Variants in ABHD12 observed in about 807,000 individuals in gnomAD.
The protein encoded by ABHD12 is lysophosphatidylserine lipase ABHD12.
ABHD12 carries 43 observed loss-of-function variants against 58.3 expected under a neutral mutation model. The observed-to-expected ratio is 0.74, with a 90% CI of 0.58 to 0.95. ABHD12 has a LOEUF of 0.95. Among genes scored for constraint, ABHD12 ranks in the 40% least tolerant of loss-of-function variants. ABHD12 has a pLI of 0.00. For missense variants in ABHD12, 539 were observed against 537.2 expected (o/e 1.00, Z -0.03); for synonymous variants, 219 against 211.2 (o/e 1.04, Z -0.32).
downstream of ABHD12, among the ~76,000 whole-genome samples, chr20:25,299,085 A>C (rs1449225417): frequency 2.4e-5 from 2 of 83,592 alleles, no homozygotes; most frequent in African/African-American, 1.8e-4. Flanking sequence ...TCTTATCTGC[A>C]TCATCTCAGT....
In ABHD12 at chr20:25,303,559, A is replaced by C; in HGVS notation, c.1020T>G (p.Leu340=). The C allele has an allele frequency of 6.2e-7, 1 of 1,613,730 alleles. No homozygotes were observed. Among genetic ancestry groups the C allele is most frequent in the Non-Finnish European group, 8.5e-7 (1 of 1,179,986 alleles). Residue 340 remains leucine, a synonymous_variant, in exon 11 of 13, where the codon CTT becomes CTG. Coordinates refer to ENST00000339157, the MANE Select transcript of ABHD12 (RefSeq NM_001042472.3). ...AGAGGCCAGGACCCACCTTTCTGCC[A>C]AGCTGGAAGGGCACCACCGGGTCGT... ...AEDDPVVPFQ[L]GRKLYSIAAP...
At chr20:25,380,157 C>T (rs773677256) in intron 1 of ABHD12, among the ~76,000 whole-genome samples, 2 of 152,160 alleles carry the variant, frequency 1.3e-5, no homozygotes, top group African/African-American at 4.8e-5. Context: ...TTATCTCACA[C>T]ATTGTGGTTT....
At chr20:25,348,201 C>T (rs1415572514) in intron 1 of ABHD12, among the ~76,000 whole-genome samples, 1 of 150,862 alleles carries the variant, frequency 6.6e-6, no homozygotes, top group Non-Finnish European at 1.5e-5. Flanking sequence ...CAGAGCAAGA[C>T]TCTGTCTCAA....
intron 10 of ABHD12, 129 bp downstream of exon 10, chr20:25,306,704 G>T: frequency 1.4e-6 from 1 of 695,916 alleles, no homozygotes; most frequent in Non-Finnish European, 2.5e-6. Context: ...TTAAAGACCT[G>T]TTTGCTAGAG....
At position 25,300,798 on chromosome 20, in the gene ABHD12, A is replaced by G; in HGVS notation, c.*47T>C. On this transcript the variant is annotated 3_prime_UTR_variant, in exon 13 of 13. Coordinates refer to ENST00000339157, the MANE Select transcript of ABHD12 (RefSeq NM_001042472.3). ...GATACCGGGCTGCTGACTGGAGGAA[A>G]ACGGGAGGAGGGCAGAGGTCTTCAT... 3 of 1,613,772 alleles carry G rather than the reference A, an allele frequency of 1.9e-6. No homozygotes were observed. The highest frequency in any genetic ancestry group is 2.5e-6 in the Non-Finnish European group (3 of 1,179,866).
chr20:25,294,825 T>C (rs959145839), exon 13 of ABHD12: 3 of 818,092 alleles, frequency 3.7e-6, no homozygotes, highest in Non-Finnish European at 6.4e-6. Context: ...CTTTGTAAGG[T>C]TTGCAGCTCA....
intron 2 of ABHD12, among the ~76,000 whole-genome samples, chr20:25,337,631 C>T (rs930131644): frequency 6.6e-6 from 1 of 152,258 alleles, no homozygotes; most frequent in Non-Finnish European, 1.5e-5. Context: ...CAAGAACCAG[C>T]TCATGTGCCT....
chr20:25,334,474 C>CA, intron 2 of ABHD12, among the ~76,000 whole-genome samples: 1 of 150,012 alleles, frequency 6.7e-6, no homozygotes, highest in East Asian at 1.9e-4. Flanking sequence ...CATACGGAAC[C>CA]AAAAAAGAGC....
intron 1 of ABHD12, among the ~76,000 whole-genome samples, chr20:25,348,318 T>C (rs1043634846): frequency 6.6e-6 from 1 of 151,850 alleles, no homozygotes. Context: ...AAAGAGAATA[T>C]GAATATACAA....
intron 1 of ABHD12, among the ~76,000 whole-genome samples, chr20:25,386,258 T>C (rs1168840632): frequency 6.8e-6 from 1 of 146,688 alleles, no homozygotes; most frequent in African/African-American, 2.5e-5. Context: ...AATTTCTTTT[T>C]CTTTCTTTTT....
chr20:25,303,542 G>C lies in ABHD12; in HGVS notation c.1029+8C>G. 1 of 1,613,292 alleles carries C rather than the reference G, an allele frequency of 6.2e-7. No individual in the cohort carries two copies. The highest frequency in any genetic ancestry group is 8.5e-7 in the Non-Finnish European group (1 of 1,179,874). ...CCAGCTACACCAGAGGCAGAGGCCA[G>C]GACCCACCTTTCTGCCAAGCTGGAA... On this transcript the variant is annotated splice_region_variant and intron_variant, in intron 11 of 12. Transcript: ENST00000339157.
At chr20:25,368,237 AT>A in intron 1 of ABHD12, 6 of 1,444,690 alleles carry the variant, frequency 4.2e-6, no homozygotes, top group East Asian at 4.5e-5. Context: ...TACAGAAGGA[AT>A]GGTCTGGTGG....
At chr20:25,329,888 C>A (rs1465623252) in intron 2 of ABHD12, among the ~76,000 whole-genome samples, 1 of 152,174 alleles carries the variant, frequency 6.6e-6, no homozygotes, top group Admixed American at 6.5e-5. Flanking sequence ...AGGGACTGCT[C>A]AGGGGAAGGA....
Position 25,300,385 on chromosome 20 carries a change from A to G in ABHD12, c.*460T>C. ...AAGGCAAGCAGGTACACAGGGCAGGAGGGGACGATGGAACCACTGGAGTCA... is the reference window on the plus strand; with the variant it reads ...AAGGCAAGCAGGTACACAGGGCAGGGGGGGACGATGGAACCACTGGAGTCA... On this transcript the variant is annotated 3_prime_UTR_variant, in exon 13 of 13. Coordinates refer to ENST00000339157, the MANE Select transcript of ABHD12 (RefSeq NM_001042472.3). The G allele has an allele frequency of 8.9e-7, 1 of 1,121,024 alleles. No individual in the cohort carries two copies. The highest frequency in any genetic ancestry group is 1.1e-6 in the Non-Finnish European group (1 of 907,072). The allele number at this position is 1,121,024 out of a possible 1,614,324, so 69.4% of individuals were successfully genotyped here.
chr20:25,345,074 G>T (rs1419424551), intron 1 of ABHD12, among the ~76,000 whole-genome samples: 3 of 151,862 alleles, frequency 2.0e-5, no homozygotes, highest in Non-Finnish European at 2.9e-5. Flanking sequence ...GTGAACTTGG[G>T]TATGACGAAG....
chr20:25,309,380 C>T, intron 7 of ABHD12, 66 bp downstream of exon 7: 1 of 1,610,288 alleles, frequency 6.2e-7, no homozygotes, highest in Non-Finnish European at 8.5e-7. Context: ...CTCTCTAGAT[C>T]CAGGCATGGG....
At chr20:25,300,122 T>C, downstream of ABHD12, 2 of 880,974 alleles carry the variant, frequency 2.3e-6, no homozygotes, top group Non-Finnish European at 2.7e-6. Context: ...AGTCATGGAG[T>C]GGCTCCAAAG....
intron 4 of ABHD12, among the ~76,000 whole-genome samples, chr20:25,317,411 C>T (rs1324413809): frequency 1.3e-5 from 2 of 152,244 alleles, no homozygotes; most frequent in Admixed American, 1.3e-4. Context: ...GTGCCAAGGA[C>T]ACCCTGTGTA....
rs1568785175 is a variant in ABHD12, at chr20:25,390,489, CCCCCG to C, written c.191+19_191+23del. On this transcript the variant is annotated intron_variant, in intron 1 of 12. Coordinates refer to ENST00000339157, the MANE Select transcript of ABHD12 (RefSeq NM_001042472.3). The stretch of plus-strand genomic sequence containing the variant: ...AAGTGAGGGACCGGCCCCCCCCCCC[CCCCCG>C]CTCCGCGCGAAGCCTCACCTGCCCA... 91 of 1,270,802 alleles carry C rather than the reference CCCCCG, an allele frequency of 7.2e-5. No individual in the cohort carries two copies. The highest frequency in any genetic ancestry group is 5.3e-4 in the African/African-American group (31 of 58,884). 78.7% of individuals were successfully genotyped at this position (1,270,802 alleles called of 1,614,324 possible). A position where few individuals can be genotyped will look rare whatever the true frequency, so the allele number is the denominator to read the frequency against.
Sources: allele counts gnomAD v4.1 joint callset (sites outside exome capture counted in the v4.1 genomes callset), GRCh38; gene constraint gnomAD v4.1.1; transcripts MANE v1.5; gene names NCBI Gene and HGNC (gene_info 2026-07-23, HGNC 2026-07-21).